MTCL1: variants seen among roughly 807,000 people sequenced by gnomAD.
MTCL1 encodes microtubule crosslinking factor 1.
A neutral mutation model predicts 141.4 loss-of-function variants in MTCL1; 79 were observed. That is an observed-to-expected ratio of 0.56 (90% CI 0.47 to 0.67). The LOEUF is 0.67. Among genes scored for constraint, MTCL1 ranks in the 30% least tolerant of loss-of-function variants. The pLI is 0.00. For missense variants in MTCL1, 2,177 were observed against 2,113.9 expected (o/e 1.03, Z -0.59); for synonymous variants, 914 against 875.8 (o/e 1.04, Z -0.77).
intron 4 of MTCL1, among the ~76,000 whole-genome samples, chr18:8,737,467 G>C (rs922608138): frequency 1.3e-5 from 2 of 152,222 alleles, no homozygotes; most frequent in African/African-American, 2.4e-5. Flanking sequence ...GCAGTGAGGG[G>C]CATGTCACGG....
intron 6 of MTCL1, 30 bp downstream of exon 5, chr18:8,784,873 C>T (rs1336846209): frequency 1.3e-6 from 2 of 1,518,320 alleles, no homozygotes; most frequent in East Asian, 2.3e-5. Context: ...CGCCTCCCTG[C>T]TCCGCCTTGC....
At chr18:8,765,429 G>T (rs150999962) in intron 4 of MTCL1, among the ~76,000 whole-genome samples, 1 of 152,220 alleles carries the variant, frequency 6.6e-6, no homozygotes, top group Non-Finnish European at 1.5e-5. Flanking sequence ...GCCTGGTTGC[G>T]TGTGCGCCAG....
chr18:8,770,665 T>C (rs963551292), intron 4 of MTCL1, among the ~76,000 whole-genome samples: 2 of 152,198 alleles, frequency 1.3e-5, no homozygotes, highest in African/African-American at 2.4e-5. Context: ...ATTTAGTCCA[T>C]AACAGATGTG....
chr18:8,736,886 C>T (rs773498213), intron 4 of MTCL1, among the ~76,000 whole-genome samples: 16 of 152,066 alleles, frequency 1.1e-4, no homozygotes, highest in Non-Finnish European at 2.9e-5. Flanking sequence ...GTGATCTGCC[C>T]GCCACGGCCT....
intron 12 of MTCL1, 94 bp downstream of exon 11, chr18:8,813,327 C>A: frequency 7.1e-7 from 1 of 1,412,936 alleles, no homozygotes; most frequent in Non-Finnish European, 9.5e-7. Flanking sequence ...CTTCATGGTC[C>A]TTGCAGCATC....
At chr18:8,829,336 C>G (rs1183805057) in intron 16 of MTCL1, 1 of 985,416 alleles carries the variant, frequency 1.0e-6, no homozygotes. Flanking sequence ...CCACCCAGGA[C>G]TGGTCAACAT....
intron 4 of MTCL1, among the ~76,000 whole-genome samples, chr18:8,748,574 A>T (rs114620583): frequency 6.6e-6 from 1 of 152,018 alleles, no homozygotes; most frequent in African/African-American, 2.4e-5. Context: ...GTGTATATAT[A>T]TATATGCACA....
rs2076430021 is a variant in MTCL1, at chr18:8,810,005, A to T, written c.2604+2945A>T. The stretch of plus-strand genomic sequence containing the variant: ...GAAGGAGAAGAGATTGGAAAGGAGC[A>T]GCCAGAGAAATTTATGAAAATCCAA... On this transcript the variant is annotated intron_variant, in intron 11 of 16. Transcript: ENST00000359865. The surrounding 1 kb of genome is among the most constrained non-coding windows in gnomAD (Gnocchi z 5.0). 2 of 158,092 alleles carry T rather than the reference A, an allele frequency of 1.3e-5. No individual in the cohort carries two copies. Among genetic ancestry groups the T allele is most frequent in the Admixed American group, 1.3e-4 (2 of 15,950 alleles). 9.8% of individuals were successfully genotyped at this position (158,092 alleles called of 1,614,324 possible). A position where few individuals can be genotyped will look rare whatever the true frequency, so the allele number is the denominator to read the frequency against.
intron 11 of MTCL1, 77 bp downstream of exon 10, chr18:8,807,137 CAG>C (rs2076328184): frequency 7.2e-7 from 1 of 1,397,830 alleles, no homozygotes; most frequent in African/African-American, 1.4e-5. Context: ...GGAGCGGGCA[CAG>C]AGAGATTCAG....
chr18:8,812,261 G>T (rs2076511819), intron 11 of MTCL1, among the ~76,000 whole-genome samples: 1 of 152,140 alleles, frequency 6.6e-6, no homozygotes, highest in South Asian at 2.1e-4. Context: ...CTGAAGTACA[G>T]GTCTGTTGGC....
chr18:8,782,120 G>T (rs920251295), intron 5 of MTCL1: 3 of 152,268 alleles, frequency 2.0e-5, no homozygotes, highest in Non-Finnish European at 2.9e-5. Flanking sequence ...CTGCGGCAGA[G>T]AACGAGCCAT....
chr18:8,709,907 T>A (rs1394757383), intron 1 of MTCL1, among the ~76,000 whole-genome samples: 1 of 152,210 alleles, frequency 6.6e-6, no homozygotes, highest in East Asian at 1.9e-4. Flanking sequence ...TGGCGTGATC[T>A]CGGCTCACTG....
intron 4 of MTCL1, among the ~76,000 whole-genome samples, chr18:8,753,642 T>C (rs1460979007): frequency 6.6e-6 from 1 of 152,206 alleles, no homozygotes; most frequent in Non-Finnish European, 1.5e-5. Flanking sequence ...TGGGGAACAC[T>C]GAGCCTGGAG....
intron 4 of MTCL1, among the ~76,000 whole-genome samples, chr18:8,736,635 A>ATTTT (rs34650032): frequency 8.5e-6 from 1 of 117,672 alleles, no homozygotes; most frequent in African/African-American, 3.2e-5. Context: ...ATATCCATGT[A>ATTTT]TTTTTTTTTT....
intron 6 of MTCL1, 68 bp from the exon 6 acceptor site, chr18:8,785,864 CTTTG>C (rs747307295): frequency 1.5e-4 from 234 of 1,513,460 alleles, no homozygotes; most frequent in Middle Eastern, 7.3e-4. Context: ...CACCCTTGTC[CTTTG>C]TTTGTTTGTT....
intron 11 of MTCL1, chr18:8,809,795 AG>A: frequency 3.3e-6 from 2 of 605,598 alleles, no homozygotes; most frequent in Non-Finnish European, 5.6e-6. Context: ...GAAAGGGGAC[AG>A]GTTGGATTTG....
At chr18:8,813,610 A>G (rs1598776013) in intron 12 of MTCL1, among the ~76,000 whole-genome samples, 2 of 152,252 alleles carry the variant, frequency 1.3e-5, no homozygotes, top group Non-Finnish European at 2.9e-5. Flanking sequence ...TAAGTTTGCC[A>G]CTAAAGATGT....
intron 4 of MTCL1, among the ~76,000 whole-genome samples, chr18:8,758,536 G>A (rs999545543): frequency 6.6e-6 from 1 of 152,198 alleles, no homozygotes; most frequent in Non-Finnish European, 1.5e-5. Flanking sequence ...CTTTCAGGTT[G>A]ATTAATCTCA....
At position 8,729,846 on chromosome 18, in the gene MTCL1, G is replaced by A. The variant is rs988914359; in HGVS notation, c.357+9350G>A. On this transcript the variant is annotated intron_variant, in intron 4 of 16. Coordinates refer to ENST00000359865, the Ensembl canonical transcript of MTCL1. ...GCCCAATTTAAGAATGATTCCTTTT[G>A]TGGTATCAATTTTAAAAGCTCTGTG... 1.4e-4 allele frequency among the ~76,000 whole-genome samples: 21 copies of A among 151,896 alleles called. 1 individual carries two copies. Among genetic ancestry groups the A allele is most frequent in the African/African-American group, 5.1e-4 (21 of 41,370 alleles).
Sources: allele counts gnomAD v4.1 joint callset (sites outside exome capture counted in the v4.1 genomes callset), GRCh38; gene constraint gnomAD v4.1.1; non-coding constraint Gnocchi (gnomAD v3.1); transcripts MANE v1.5; gene names NCBI Gene and HGNC (gene_info 2026-07-23, HGNC 2026-07-21).